Variants in LARP1B observed in about 807,000 individuals in gnomAD.
The protein encoded by LARP1B is La ribonucleoprotein 1B.
A neutral mutation model predicts 114.2 loss-of-function variants in LARP1B; 76 were observed. The ratio of observed to expected loss-of-function variants is 0.67; its 90% CI spans 0.55 to 0.81. The LOEUF (loss-of-function observed/expected upper bound fraction) is 0.81, where lower values mean the gene tolerates loss of function less well. LARP1B is among the 30% of genes least tolerant of loss of function. LARP1B has a pLI of 0.00. For synonymous variants in LARP1B, 345 were observed against 348.0 expected (o/e 0.99, Z 0.10); for missense variants, 1,014 against 1,075.8 (o/e 0.94, Z 0.80).
chr4:128,157,677 G>T (rs1175990446), intron 11 of LARP1B, among the ~76,000 whole-genome samples: 1 of 152,124 alleles, frequency 6.6e-6, no homozygotes, highest in South Asian at 2.1e-4. Context: ...TAGTTACAGT[G>T]CCTGAAAGAA....
chr4:128,074,806 G>T (rs1292940411), intron 2 of LARP1B, 128 bp from the exon 3 acceptor site: 13 of 593,566 alleles, frequency 2.2e-5, no homozygotes, highest in South Asian at 5.3e-5. Context: ...GATTAATTTG[G>T]CAGATGCCTG....
intron 11 of LARP1B, 59 bp downstream of exon 11, chr4:128,122,247 T>C: frequency 6.4e-7 from 1 of 1,573,698 alleles, no homozygotes; most frequent in Non-Finnish European, 8.6e-7. Context: ...TATGTTGCTG[T>C]TTATATTTTC....
chr4:128,065,781 T>A (rs1762560531), intron 1 of LARP1B, among the ~76,000 whole-genome samples: 1 of 152,004 alleles, frequency 6.6e-6, no homozygotes, highest in Non-Finnish European at 1.5e-5. Context: ...ATTTATATAT[T>A]TATTTAATAT....
intron 11 of LARP1B, among the ~76,000 whole-genome samples, chr4:128,139,305 C>T (rs11723915): frequency 0.57 from 87,149 of 151,842 alleles, 26,097 homozygotes; most frequent in Middle Eastern, 0.8. Context: ...CATAAAAAGT[C>T]CCCAAACCAG....
downstream of LARP1B, among the ~76,000 whole-genome samples, chr4:128,216,633 G>A (rs1322706776): frequency 1.6e-3 from 237 of 149,234 alleles, 1 homozygote; most frequent in Non-Finnish European, 2.4e-3. Flanking sequence ...TCTCTGGGAC[G>A]CATTCAAAGC....
chr4:128,209,032 T>C (rs928135501), intron 19 of LARP1B, among the ~76,000 whole-genome samples: 37 of 152,320 alleles, frequency 2.4e-4, no homozygotes, highest in African/African-American at 8.4e-4. Flanking sequence ...GCAAATAGCC[T>C]CGCTGAAACA....
chr4:128,135,098 A>AAAATAAATAAATAAAT (rs71304333), intron 11 of LARP1B, among the ~76,000 whole-genome samples: 7 of 141,510 alleles, frequency 4.9e-5, no homozygotes, highest in South Asian at 2.3e-4. Flanking sequence ...ACTTCATCTC[A>AAAATAAATAAATAAAT]AAATAAATAA....
chr4:128,095,804 A>G (rs1022150528), intron 7 of LARP1B, among the ~76,000 whole-genome samples: 2 of 152,078 alleles, frequency 1.3e-5, no homozygotes, highest in African/African-American at 4.8e-5. Context: ...TTGTTTTCTC[A>G]TAACTTGTAT....
At chr4:128,108,373 A>T in intron 9 of LARP1B, 1 of 988,830 alleles carries the variant, frequency 1.0e-6, no homozygotes. Flanking sequence ...TAAAACTCAG[A>T]TATTGTCATG....
At chr4:128,213,389 TG>T (rs112960748), downstream of LARP1B, among the ~76,000 whole-genome samples, 12 of 152,276 alleles carry the variant, frequency 7.9e-5, no homozygotes, top group African/African-American at 2.9e-4. Flanking sequence ...CCTTTTGGAG[TG>T]ATTATCTCTT....
At chr4:128,186,567 T>C (rs1750440823) in intron 15 of LARP1B, among the ~76,000 whole-genome samples, 1 of 152,210 alleles carries the variant, frequency 6.6e-6, no homozygotes, top group African/African-American at 2.4e-5. Flanking sequence ...CTAAATATAA[T>C]ATCAGATCAT....
intron 11 of LARP1B, among the ~76,000 whole-genome samples, chr4:128,137,412 T>C (rs528150610): frequency 2.6e-5 from 4 of 152,342 alleles, no homozygotes; most frequent in African/African-American, 9.6e-5. Flanking sequence ...ACATGCTTAT[T>C]CATGTGGCAG....
At position 128,155,744 on chromosome 4, in the gene LARP1B, C is replaced by T; in HGVS notation, c.1525-6450C>T. ...AGGCCCGAGCGGAACAAGCTGGCTGCGGCCAAGTGTAGGAACTGGAGGAAG... is the reference window on the plus strand; with the variant it reads ...AGGCCCGAGCGGAACAAGCTGGCTGTGGCCAAGTGTAGGAACTGGAGGAAG... On this transcript the variant is annotated intron_variant, in intron 11 of 19. Coordinates refer to ENST00000326639, the MANE Select transcript of LARP1B (RefSeq NM_018078.4). 10 of 1,607,974 alleles carry T rather than the reference C, an allele frequency of 6.2e-6. No homozygotes were observed. The South Asian group carries it at 6.6e-5, about 11-fold the overall frequency.
At chr4:128,170,872 C>CTTTTT (rs70966085) in intron 12 of LARP1B, among the ~76,000 whole-genome samples, 46 of 94,930 alleles carry the variant, frequency 4.8e-4, no homozygotes, top group African/African-American at 6.0e-4. Context: ...TTTTTCTTTT[C>CTTTTT]TTTTTTTTTT....
intron 11 of LARP1B, among the ~76,000 whole-genome samples, chr4:128,150,741 T>C (rs1195249506): frequency 2.6e-5 from 4 of 151,714 alleles, no homozygotes; most frequent in African/African-American, 9.7e-5. Context: ...GAAAAAAAAA[T>C]AAATGAAGAA....
At chr4:128,202,092 T>C (rs925518442) in intron 17 of LARP1B, among the ~76,000 whole-genome samples, 1 of 152,214 alleles carries the variant, frequency 6.6e-6, no homozygotes, top group Non-Finnish European at 1.5e-5. Context: ...AGCAGATCCA[T>C]GGCAGGTGTA....
exon 7 of LARP1B, chr4:128,220,368 T>C (rs1218897170): frequency 2.1e-6 from 2 of 964,574 alleles, no homozygotes; most frequent in African/African-American, 1.8e-5. Flanking sequence ...GCTGATCCGA[T>C]AGAGTAATAC....
chr4:128,172,220 T>A (rs1348288480), intron 12 of LARP1B, among the ~76,000 whole-genome samples: 1 of 152,170 alleles, frequency 6.6e-6, no homozygotes, highest in Admixed American at 6.5e-5. Context: ...CTGTTGATTC[T>A]GGCTGCTTTT....
chr4:128,094,517 C>T (rs1253177164), intron 7 of LARP1B, among the ~76,000 whole-genome samples: 2 of 151,358 alleles, frequency 1.3e-5, no homozygotes, highest in East Asian at 3.9e-4. Context: ...AGCAATTCTC[C>T]TGCCTTAGCC....
Sources: gnomAD v4.1 joint callset for allele counts (sites outside exome capture counted in the v4.1 genomes callset) on GRCh38, gnomAD v4.1.1 for gene constraint, MANE v1.5 for transcripts, NCBI Gene and HGNC (gene_info 2026-07-23, HGNC 2026-07-21) for gene names.